LINGO2: variants seen among roughly 807,000 people sequenced by gnomAD.
The protein encoded by LINGO2 is leucine-rich repeat and immunoglobulin-like domain-containing nogo receptor-interacting protein 2.
In LINGO2, 14 loss-of-function variants were observed where a neutral mutation model predicts 30.6. That is an observed-to-expected ratio of 0.46 (90% CI 0.30 to 0.72). LINGO2 has a LOEUF of 0.72. Among genes scored for constraint, LINGO2 ranks in the 30% least tolerant of loss-of-function variants. LINGO2 has a pLI of 0.07. For missense variants in LINGO2, 729 were observed against 751.7 expected (o/e 0.97, Z 0.35); for synonymous variants, 317 against 288.5 (o/e 1.10, Z -1.00).
chr9:28,128,346 CATT>C (rs1827295698), intron 4 of LINGO2, among the ~76,000 whole-genome samples: 1 of 152,148 alleles, frequency 6.6e-6, no homozygotes, highest in South Asian at 2.1e-4. Context: ...CCCTAATTGT[CATT>C]ATGAAAATCA....
chr9:29,143,534 A>G, the LINGO2 span, among the ~76,000 whole-genome samples: 2 of 152,158 alleles, frequency 1.3e-5, no homozygotes, highest in Non-Finnish European at 2.9e-5. Flanking sequence ...ACTCTTAGAC[A>G]AAGGTACCGA....
chr9:28,828,024 T>C, the LINGO2 span, among the ~76,000 whole-genome samples: 2 of 152,106 alleles, frequency 1.3e-5, no homozygotes, highest in African/African-American at 4.8e-5. Context: ...ATAATCATAA[T>C]GGCTATCTTT....
intron 1 of LINGO2, among the ~76,000 whole-genome samples, chr9:28,590,278 T>C (rs1824809839): frequency 6.6e-6 from 1 of 152,026 alleles, no homozygotes; most frequent in Non-Finnish European, 1.5e-5. Context: ...CCAAAAGCAA[T>C]GGCAATAAAA....
the LINGO2 span, among the ~76,000 whole-genome samples, chr9:28,968,658 C>G: frequency 6.6e-6 from 1 of 152,080 alleles, no homozygotes; most frequent in African/African-American, 2.4e-5. Context: ...AATATAAATG[C>G]AGAGAATGAA....
At chr9:28,265,188 C>T (rs1286810962) in intron 4 of LINGO2, among the ~76,000 whole-genome samples, 4 of 151,836 alleles carry the variant, frequency 2.6e-5, no homozygotes, top group African/African-American at 9.7e-5. Flanking sequence ...CACACACACA[C>T]GCACACACTC....
At chr9:28,491,796 A>T (rs1826407133) in intron 1 of LINGO2, among the ~76,000 whole-genome samples, 1 of 152,188 alleles carries the variant, frequency 6.6e-6, no homozygotes, top group South Asian at 2.1e-4. Flanking sequence ...AATAAATAAA[A>T]TTGAAAGCTG....
intron 5 of LINGO2, among the ~76,000 whole-genome samples, chr9:27,993,785 CT>C (rs1234370610): frequency 1.3e-5 from 2 of 151,972 alleles, no homozygotes; most frequent in African/African-American, 4.8e-5. Flanking sequence ...TAGTAAATGG[CT>C]GCAAACATAA....
chr9:28,708,154 A>T, the LINGO2 span, among the ~76,000 whole-genome samples: 10 of 152,306 alleles, frequency 6.6e-5, no homozygotes, highest in Middle Eastern at 3.4e-3. Context: ...GAATAACCAA[A>T]TTCCATAACA....
chr9:28,090,107 C>A (rs970463557), intron 4 of LINGO2, among the ~76,000 whole-genome samples: 4 of 151,968 alleles, frequency 2.6e-5, no homozygotes, highest in Admixed American at 2.0e-4. Flanking sequence ...GGACCAGATG[C>A]ATTCACAGCC....
chr9:28,151,581 C>G (rs554780614), intron 4 of LINGO2, among the ~76,000 whole-genome samples: 4 of 150,784 alleles, frequency 2.7e-5, no homozygotes, highest in Non-Finnish European at 5.9e-5. Context: ...GATGTGCTGA[C>G]GAATATAATT....
chr9:28,187,446 C>T (rs1022213948), intron 4 of LINGO2, among the ~76,000 whole-genome samples: 33 of 148,976 alleles, frequency 2.2e-4, no homozygotes, highest in Non-Finnish European at 3.8e-4. Context: ...GCTGAGATGG[C>T]GCCACTGTAC....
At position 28,632,895 on chromosome 9, in the gene LINGO2, G is replaced by T. The variant is rs1481059920; in HGVS notation, c.-365+37305C>A. On this transcript the variant is annotated intron_variant, in intron 1 of 5. Coordinates refer to ENST00000379992, the Ensembl canonical transcript of LINGO2. ...ATATATATATGTAGAGAGAGAGAGA[G>T]AGAGAGAGAGAGAGAGAGGAGTTGA... is the stretch of plus-strand genomic sequence containing the variant. Among the ~76,000 whole-genome samples, 43 of 138,604 alleles carry T rather than the reference G, an allele frequency of 3.1e-4. No homozygotes were observed. The East Asian group carries it at 7.3e-3, about 24-fold the overall frequency. 90.9% of individuals were successfully genotyped at this position (138,604 alleles called of 152,430 possible).
the LINGO2 span, among the ~76,000 whole-genome samples, chr9:28,816,557 C>G: frequency 6.6e-6 from 1 of 152,118 alleles, no homozygotes; most frequent in Non-Finnish European, 1.5e-5. Flanking sequence ...TTCATAGTGG[C>G]TAATTTTACA....
At chr9:28,993,502 C>A in the LINGO2 span, among the ~76,000 whole-genome samples, 8 of 152,036 alleles carry the variant, frequency 5.3e-5, no homozygotes, top group East Asian at 1.4e-3. Context: ...GGGAATCCTC[C>A]CTAACTCATT....
chr9:28,476,751 A>T (rs1825746818), intron 1 of LINGO2, among the ~76,000 whole-genome samples: 1 of 152,344 alleles, frequency 6.6e-6, no homozygotes, highest in Non-Finnish European at 1.5e-5. Context: ...ACCTGCTTTC[A>T]AAGGTTAAAA....
At chr9:28,221,298 TAAAAAAAAAA>T (rs141151588) in intron 4 of LINGO2, among the ~76,000 whole-genome samples, 1,344 of 83,740 alleles carry the variant, frequency 0.016, 26 homozygotes, top group Middle Eastern at 0.026. Context: ...AGACCCCGTC[TAAAAAAAAAA>T]AAAAAAAAAA....
intron 2 of LINGO2, among the ~76,000 whole-genome samples, chr9:28,428,825 T>G (rs1228748869): frequency 1.3e-5 from 2 of 152,168 alleles, no homozygotes; most frequent in African/African-American, 4.8e-5. Flanking sequence ...TTTTCTCACC[T>G]GCATAATAAT....
intron 3 of LINGO2, among the ~76,000 whole-genome samples, chr9:28,333,049 G>T (rs968052038): frequency 6.6e-6 from 1 of 152,066 alleles, no homozygotes; most frequent in Non-Finnish European, 1.5e-5. Flanking sequence ...GCAGTTTTAC[G>T]GATCAAAATC....
the LINGO2 span, among the ~76,000 whole-genome samples, chr9:29,101,727 G>T: frequency 1.3e-5 from 2 of 152,094 alleles, no homozygotes; most frequent in South Asian, 4.1e-4. Flanking sequence ...CATCCATATT[G>T]TTGCAAATGA....
Sources: gnomAD v4.1 joint callset for allele counts (sites outside exome capture counted in the v4.1 genomes callset) on GRCh38, gnomAD v4.1.1 for gene constraint, MANE v1.5 for transcripts, NCBI Gene and HGNC (gene_info 2026-07-23, HGNC 2026-07-21) for gene names.